KITLG: variants seen among roughly 807,000 people sequenced by gnomAD.
KITLG encodes KIT ligand.
In KITLG, 13 loss-of-function variants were observed where a neutral mutation model predicts 34.1. That is an observed-to-expected ratio of 0.38 (90% CI 0.25 to 0.61). The LOEUF (loss-of-function observed/expected upper bound fraction) is 0.61. KITLG is among the 20% of genes least tolerant of loss of function. The pLI is 0.60. For synonymous variants in KITLG, 110 were observed against 104.0 expected (o/e 1.06, Z -0.35); for missense variants, 292 against 318.9 (o/e 0.92, Z 0.64).
At position 88,495,497 on chromosome 12, in the gene KITLG, A is replaced by G. The variant is rs1304723579; in HGVS notation, c.*1722T>C. 6.6e-6 allele frequency: 1 copy of G among 152,514 alleles called. No individual in the cohort carries two copies. Among genetic ancestry groups the G allele is most frequent in the Non-Finnish European group, 1.5e-5 (1 of 68,002 alleles). 9.4% of individuals were successfully genotyped at this position (152,514 alleles called of 1,614,324 possible). ...TCAAAGCACCTGGGTTATATCTTAG[A>G]GAAATTACTCATATTTAAGGAACCA... On this transcript the variant is annotated 3_prime_UTR_variant, in exon 10 of 10. Coordinates refer to ENST00000644744, the MANE Select transcript of KITLG (RefSeq NM_000899.5).
At chr12:88,513,846 A>T (rs181020465) in intron 6 of KITLG, among the ~76,000 whole-genome samples, 1 of 151,808 alleles carries the variant, frequency 6.6e-6, no homozygotes, top group African/African-American at 2.4e-5. Flanking sequence ...TTTTCTCAAT[A>T]ATTAATAAAA....
intron 8 of KITLG, among the ~76,000 whole-genome samples, chr12:88,505,771 T>C (rs531793488): frequency 1.3e-5 from 2 of 152,212 alleles, no homozygotes; most frequent in South Asian, 2.1e-4. Context: ...TCACTGAACG[T>C]ATTTTGAATA....
intron 6 of KITLG, among the ~76,000 whole-genome samples, chr12:88,515,077 A>T (rs954228910): frequency 4.0e-5 from 6 of 151,848 alleles, no homozygotes; most frequent in Non-Finnish European, 8.9e-5. Flanking sequence ...GTAAATACTG[A>T]TATACACAAA....
intron 1 of KITLG, among the ~76,000 whole-genome samples, chr12:88,556,464 G>A (rs1029407808): frequency 6.6e-6 from 1 of 152,178 alleles, no homozygotes; most frequent in Non-Finnish European, 1.5e-5. Context: ...AAGCTGAGAT[G>A]ATAAGGGCCT....
At chr12:88,528,762 G>A (rs1439925152) in intron 3 of KITLG, among the ~76,000 whole-genome samples, 3 of 152,192 alleles carry the variant, frequency 2.0e-5, no homozygotes, top group Non-Finnish European at 2.9e-5. Context: ...AAATGAGGCA[G>A]AATGTTAAAA....
At chr12:88,578,476 G>A (rs1488880792) in intron 1 of KITLG, among the ~76,000 whole-genome samples, 1 of 152,190 alleles carries the variant, frequency 6.6e-6, no homozygotes, top group African/African-American at 2.4e-5. Flanking sequence ...TAATGCCACA[G>A]TCACAATGTT....
intron 6 of KITLG, among the ~76,000 whole-genome samples, chr12:88,511,094 T>C (rs1869261777): frequency 6.6e-6 from 1 of 151,974 alleles, no homozygotes; most frequent in Admixed American, 6.6e-5. Flanking sequence ...AAAGAAACAG[T>C]GAACAAAAAA....
At chr12:88,558,313 C>A (rs1483571845) in intron 1 of KITLG, among the ~76,000 whole-genome samples, 1 of 152,042 alleles carries the variant, frequency 6.6e-6, no homozygotes, top group Admixed American at 6.6e-5. Flanking sequence ...AAGTTCCCCC[C>A]ACCCCTCACG....
chr12:88,573,847 C>T (rs1416430237), intron 1 of KITLG, among the ~76,000 whole-genome samples: 1 of 152,156 alleles, frequency 6.6e-6, no homozygotes, highest in African/African-American at 2.4e-5. Flanking sequence ...TTTACATGGT[C>T]ACCCTAAAGA....
chr12:88,549,040 C>T (rs1003932329), intron 1 of KITLG, among the ~76,000 whole-genome samples: 12 of 152,170 alleles, frequency 7.9e-5, no homozygotes, highest in African/African-American at 2.7e-4. Context: ...CAGTGATCCA[C>T]GCAGACATCT....
rs550941588 is a variant in KITLG, at chr12:88,493,826, G to A, written c.*3393C>T. 6.6e-6 allele frequency: 1 copy of A among 151,888 alleles called. No homozygotes were observed. Among genetic ancestry groups the A allele is most frequent in the Non-Finnish European group, 1.5e-5 (1 of 67,876 alleles). 9.4% of individuals were successfully genotyped at this position (151,888 alleles called of 1,614,324 possible). ...CTACTGGTTTTCATTCTTTGGAGGT[G>A]ATCCAAAATGTTTATTCAAGCAAAG... is the stretch of plus-strand genomic sequence containing the variant. On this transcript the variant is annotated 3_prime_UTR_variant, in exon 10 of 10. Coordinates refer to ENST00000644744, the MANE Select transcript of KITLG (RefSeq NM_000899.5).
chr12:88,567,867 A>G (rs1871498481), intron 1 of KITLG, among the ~76,000 whole-genome samples: 1 of 152,200 alleles, frequency 6.6e-6, no homozygotes, highest in African/African-American at 2.4e-5. Flanking sequence ...CGAAGAATCA[A>G]GTGACTCAAA....
intron 1 of KITLG, among the ~76,000 whole-genome samples, chr12:88,554,541 T>A (rs934985002): frequency 6.6e-6 from 1 of 152,162 alleles, no homozygotes; most frequent in African/African-American, 2.4e-5. Flanking sequence ...CAAATGTATT[T>A]TGGAAGAGAG....
chr12:88,526,863 C>CTTTTT (rs10532642), intron 3 of KITLG, among the ~76,000 whole-genome samples: 6 of 79,980 alleles, frequency 7.5e-5, no homozygotes, highest in African/African-American at 2.1e-4. Flanking sequence ...TCAGTATAGT[C>CTTTTT]TTTTTTTTTT....
At chr12:88,566,527 C>A (rs1871448728) in intron 1 of KITLG, among the ~76,000 whole-genome samples, 1 of 152,112 alleles carries the variant, frequency 6.6e-6, no homozygotes, top group Non-Finnish European at 1.5e-5. Flanking sequence ...AAAGAGCAAA[C>A]AAAAGTCAGG....
At chr12:88,513,430 C>T (rs555350680) in intron 6 of KITLG, among the ~76,000 whole-genome samples, 4 of 151,418 alleles carry the variant, frequency 2.6e-5, no homozygotes, top group Non-Finnish European at 5.9e-5. Context: ...TCCAACTATA[C>T]CAATGATTTA....
chr12:88,558,587 G>C (rs1210953222), intron 1 of KITLG, among the ~76,000 whole-genome samples: 1 of 152,196 alleles, frequency 6.6e-6, no homozygotes, highest in Admixed American at 6.5e-5. Context: ...CTGTTAAAAT[G>C]TTCCTTCTTT....
chr12:88,532,387 T>A, intron 3 of KITLG, 54 bp downstream of exon 3: 1 of 1,240,116 alleles, frequency 8.1e-7, no homozygotes, highest in Non-Finnish European at 1.2e-6. Flanking sequence ...ATATGAATGA[T>A]CCCATTTCTT....
chr12:88,502,572 C>T (rs1435154768), intron 9 of KITLG, among the ~76,000 whole-genome samples: 3 of 152,208 alleles, frequency 2.0e-5, no homozygotes. Context: ...AAAGACCTAA[C>T]TCTTTTCTTG....
Sources: gnomAD v4.1 joint callset for allele counts (sites outside exome capture counted in the v4.1 genomes callset) on GRCh38, gnomAD v4.1.1 for gene constraint, MANE v1.5 for transcripts, NCBI Gene and HGNC (gene_info 2026-07-23, HGNC 2026-07-21) for gene names.